RASA2: variants seen among roughly 807,000 people sequenced by gnomAD.
RASA2 encodes RAS p21 protein activator 2, also known as ras GTPase-activating protein 2.
In RASA2, 155 loss-of-function variants were observed where a neutral mutation model predicts 118.2. The observed-to-expected ratio is 1.31, with a 90% CI of 1.15 to 1.50. The LOEUF is 1.50. RASA2 is among the 40% of genes most tolerant of loss of function. RASA2 has a pLI of 0.00. For missense variants in RASA2, 1,016 were observed against 1,009.6 expected, an observed-to-expected ratio of 1.01 and a Z score of -0.09; for synonymous variants, 353 against 349.1, an observed-to-expected ratio of 1.01 and a Z score of -0.12.
chr3:141,610,063 G>A lies in RASA2; in HGVS notation c.2516G>A (p.Ser839Asn). 6 of 1,569,528 alleles carry A rather than the reference G, an allele frequency of 3.8e-6. No individual in the cohort carries two copies. Among genetic ancestry groups the A allele is most frequent in the South Asian group, 1.2e-5 (1 of 83,906 alleles). Residue 839 changes from serine to asparagine, a missense_variant, in exon 23 of 24, where the codon AGC becomes AAC. Ser to Asn is a conservative substitution (Grantham distance 46). Transcript: ENST00000286364. ...AGATCCAGTAGTGCAAAATATGGGA[G>A]CAAGTGAGTAATTTTTAAGCTATTG... ...KKRSSSAKYG[S>N]KENPIVGKAS
chr3:141,583,852 A>C (rs2083155617), intron 17 of RASA2, among the ~76,000 whole-genome samples: 1 of 152,188 alleles, frequency 6.6e-6, no homozygotes, highest in African/African-American at 2.4e-5. Flanking sequence ...AATAATGTAG[A>C]GAAGTATAAA....
intron 9 of RASA2, among the ~76,000 whole-genome samples, chr3:141,568,575 A>G (rs1366680906): frequency 6.6e-6 from 1 of 152,040 alleles, no homozygotes; most frequent in Non-Finnish European, 1.5e-5. Flanking sequence ...CATTGTTTAT[A>G]TATGTATGCA....
chr3:141,535,350 C>A (rs374214668), intron 4 of RASA2, among the ~76,000 whole-genome samples: 1 of 151,926 alleles, frequency 6.6e-6, no homozygotes, highest in African/African-American at 2.4e-5. Flanking sequence ...CCAAGGTATG[C>A]CTGTAAAAAC....
intron 3 of RASA2, 51 bp from the exon 4 acceptor site, chr3:141,529,657 T>C (rs1230115288): frequency 7.5e-7 from 1 of 1,331,450 alleles, no homozygotes; most frequent in South Asian, 1.2e-5. Context: ...TAATGAGTCT[T>C]AGGATTATAC....
intron 2 of RASA2, among the ~76,000 whole-genome samples, chr3:141,514,012 G>T (rs1337372766): frequency 6.6e-6 from 1 of 152,132 alleles, no homozygotes; most frequent in Non-Finnish European, 1.5e-5. Flanking sequence ...GATGGGCAAA[G>T]ATTTCTTGCT....
chr3:141,609,755 C>A, intron 22 of RASA2, 122 bp from the exon 23 acceptor site: 1 of 938,644 alleles, frequency 1.1e-6, no homozygotes, highest in Non-Finnish European at 1.5e-6. Flanking sequence ...TTTTAGTTAT[C>A]TCGGCTCTGC....
chr3:141,582,464 G>A (rs1215141718), intron 17 of RASA2, among the ~76,000 whole-genome samples: 1 of 152,170 alleles, frequency 6.6e-6, no homozygotes, highest in African/African-American at 2.4e-5. Context: ...TTGTTTGAGG[G>A]TTGTTTTTCC....
intron 19 of RASA2, among the ~76,000 whole-genome samples, chr3:141,592,274 G>A (rs949729669): frequency 6.6e-6 from 1 of 152,082 alleles, no homozygotes; most frequent in Non-Finnish European, 1.5e-5. Flanking sequence ...GGATATTTGG[G>A]ATAAAAGTGT....
At position 141,577,408 on chromosome 3, in the gene RASA2, A is replaced by G. The variant is rs143582932; in HGVS notation, c.1590+302A>G. Among the ~76,000 whole-genome samples the G allele has an allele frequency of 1.5e-3, 222 of 152,204 alleles. 7 individuals are homozygous for G. The East Asian group carries it at 0.024, about 16-fold the overall frequency. The stretch of plus-strand genomic sequence containing the variant: ...CTACTGTGTGTGTTTGTAAATTTCC[A>G]TAAGTTTTTTTTCATTAGTTACAGG... On this transcript the variant is annotated intron_variant, in intron 15 of 23. Coordinates refer to ENST00000286364, the MANE Select transcript of RASA2 (RefSeq NM_006506.5).
intron 17 of RASA2, among the ~76,000 whole-genome samples, chr3:141,585,803 A>C (rs1210485959): frequency 1.4e-5 from 2 of 147,120 alleles, no homozygotes; most frequent in Admixed American, 1.3e-4. Flanking sequence ...CTGTCTCCAC[A>C]TAAATAAATA....
rs990203278 is a variant in RASA2 at position 141,614,070 on chromosome 3, G to A, written c.*1757G>A. On this transcript the variant is annotated 3_prime_UTR_variant, in exon 24 of 24. Transcript: ENST00000286364. ...AAGAGTGTCTGAAATGTCTGCCTGC[G>A]AAGAACATGTAAACATTGCCAGATA... 6 of 151,970 alleles carry A rather than the reference G, an allele frequency of 3.9e-5. No individual in the cohort carries two copies. The highest frequency in any genetic ancestry group is 2.0e-4 in the Admixed American group (3 of 15,260). The allele number at this position is 151,970 out of a possible 1,614,324, so 9.4% of individuals were successfully genotyped here.
At position 141,614,699 on chromosome 3, in the gene RASA2, TTTTG is replaced by T. The variant is rs2083701654; in HGVS notation, c.*2390_*2393del. On this transcript the variant is annotated 3_prime_UTR_variant, in exon 24 of 24. Transcript: ENST00000286364. The stretch of plus-strand genomic sequence containing the variant: ...TGATCTGTTGCTTGTTTCGTTGTTG[TTTTG>T]TTTTTGTGTAGCTTTGTTTTTTAAT... 6.6e-6 allele frequency: 1 copy of T among 152,244 alleles called. No homozygotes were observed. The highest frequency in any genetic ancestry group is 1.5e-5 in the Non-Finnish European group (1 of 68,036). The allele number at this position is 152,244 out of a possible 1,614,324, so 9.4% of individuals were successfully genotyped here.
At position 141,540,557 on chromosome 3, in the gene RASA2, CTGAA is replaced by C. The variant is rs2082390992; in HGVS notation, c.480_483del (p.Glu161Ter). ...GGGTAAAGTTCACCTTGAATTAAAA[CTGAA>C]TGAACTGATAACGGAGAATGGAACT... On this transcript the variant is annotated frameshift_variant, in exon 5 of 24. Coordinates refer to ENST00000286364, the MANE Select transcript of RASA2 (RefSeq NM_006506.5). LOFTEE classifies it high-confidence loss of function. 1 of 1,612,716 alleles carries C rather than the reference CTGAA, an allele frequency of 6.2e-7. No individual in the cohort carries two copies. Among genetic ancestry groups the C allele is most frequent in the Non-Finnish European group, 8.5e-7 (1 of 1,179,098 alleles).
At chr3:141,495,117 A>G (rs1309058452) in intron 1 of RASA2, among the ~76,000 whole-genome samples, 1 of 152,260 alleles carries the variant, frequency 6.6e-6, no homozygotes, top group African/African-American at 2.4e-5. Flanking sequence ...TATAACACTG[A>G]ATTCTTTGCC....
chr3:141,592,714 A>T (rs2083305755), intron 19 of RASA2, among the ~76,000 whole-genome samples: 1 of 152,186 alleles, frequency 6.6e-6, no homozygotes, highest in Non-Finnish European at 1.5e-5. Flanking sequence ...TACCCAGAGG[A>T]GTTAGATACT....
intron 1 of RASA2, among the ~76,000 whole-genome samples, chr3:141,491,321 C>A (rs1473913682): frequency 6.6e-6 from 1 of 152,210 alleles, no homozygotes; most frequent in Non-Finnish European, 1.5e-5. Context: ...TTCTGAGACA[C>A]TTCCAGTGCC....
intron 1 of RASA2, among the ~76,000 whole-genome samples, chr3:141,501,885 G>A (rs2081788222): frequency 6.6e-6 from 1 of 151,692 alleles, no homozygotes; most frequent in Non-Finnish European, 1.5e-5. Flanking sequence ...TGTTGTGAAT[G>A]TAAATGACAA....
chr3:141,600,748 T>G (rs1187773737), intron 19 of RASA2, among the ~76,000 whole-genome samples: 2 of 152,200 alleles, frequency 1.3e-5, no homozygotes, highest in Admixed American at 1.3e-4. Flanking sequence ...TTCATCTCGA[T>G]TTTAACACAA....
intron 8 of RASA2, among the ~76,000 whole-genome samples, chr3:141,559,326 GCTGT>G (rs994799930): frequency 2.0e-5 from 3 of 151,996 alleles, no homozygotes; most frequent in African/African-American, 7.2e-5. Context: ...TAACATATCT[GCTGT>G]CTAACAGAAA....
Sources: gnomAD v4.1 joint callset for allele counts (sites outside exome capture counted in the v4.1 genomes callset) on GRCh38, gnomAD v4.1.1 for gene constraint, MANE v1.5 for transcripts, NCBI Gene and HGNC (gene_info 2026-07-23, HGNC 2026-07-21) for gene names.